The following SLC35D4 variants were observed in gnomAD, a reference collection of about 807,000 sequenced individuals.
SLC35D4 encodes solute carrier family 35 member D4, also known as UDP-N-acetylglucosamine transporter SLC35D4.
At chr18:23,252,487 C>T in the SLC35D4 span, among the ~76,000 whole-genome samples, 2 of 152,208 alleles carry the variant, frequency 1.3e-5, no homozygotes, top group African/African-American at 2.4e-5. Context: ...TCTCAGAAAG[C>T]TGCGTGAAGT....
the SLC35D4 span, among the ~76,000 whole-genome samples, chr18:23,246,299 T>C: frequency 6.6e-6 from 1 of 151,736 alleles, no homozygotes; most frequent in Admixed American, 6.6e-5. Context: ...TCACTCAGAC[T>C]GTCCCAGGCC....
the SLC35D4 span, among the ~76,000 whole-genome samples, chr18:23,255,301 A>G: frequency 8.2e-5 from 12 of 146,192 alleles, no homozygotes; most frequent in African/African-American, 2.6e-4. Context: ...AATAAAAGAC[A>G]TGGTTAAGTC....
chr18:23,396,230 G>A, the SLC35D4 span, among the ~76,000 whole-genome samples: 1 of 152,200 alleles, frequency 6.6e-6, no homozygotes, highest in African/African-American at 2.4e-5. Flanking sequence ...GGTCTTGTCA[G>A]ATAAAGGAGG....
At chr18:23,316,180 C>T in the SLC35D4 span, among the ~76,000 whole-genome samples, 3 of 152,222 alleles carry the variant, frequency 2.0e-5, no homozygotes, top group Non-Finnish European at 4.4e-5. Context: ...TGTACAAACA[C>T]GCTGCACTGC....
chr18:23,302,712 A>G, the SLC35D4 span, among the ~76,000 whole-genome samples: 2 of 152,206 alleles, frequency 1.3e-5, no homozygotes, highest in African/African-American at 4.8e-5. Context: ...GAATGCACGA[A>G]TATACAAATA....
the SLC35D4 span, among the ~76,000 whole-genome samples, chr18:23,295,337 C>T: frequency 0.77 from 116,159 of 151,524 alleles, 44,886 homozygotes; most frequent in Middle Eastern, 0.88. Flanking sequence ...GTAACAAACC[C>T]GCACATGTAC....
At chr18:23,401,695 C>A in the SLC35D4 span, among the ~76,000 whole-genome samples, 1 of 152,224 alleles carries the variant, frequency 6.6e-6, no homozygotes, top group East Asian at 1.9e-4. Context: ...GGCCTCACTG[C>A]GGGAGGCCCA....
the SLC35D4 span, among the ~76,000 whole-genome samples, chr18:23,284,819 G>T: frequency 2.0e-5 from 3 of 152,144 alleles, no homozygotes; most frequent in Non-Finnish European, 4.4e-5. Flanking sequence ...AACATGATTG[G>T]TCTTCTCCAC....
chr18:23,247,958 AG>A, the SLC35D4 span, among the ~76,000 whole-genome samples: 7 of 152,124 alleles, frequency 4.6e-5, no homozygotes, highest in African/African-American at 1.7e-4. Flanking sequence ...ACTCCCTGCC[AG>A]GGCCTAGCTT....
the SLC35D4 span, among the ~76,000 whole-genome samples, chr18:23,345,599 A>G: frequency 6.7e-6 from 1 of 150,270 alleles, no homozygotes; most frequent in African/African-American, 2.4e-5. Flanking sequence ...TGTCTTGATT[A>G]TTCTAGCTTA....
At chr18:23,388,755 C>T in the SLC35D4 span, among the ~76,000 whole-genome samples, 2 of 152,050 alleles carry the variant, frequency 1.3e-5, no homozygotes, top group Non-Finnish European at 1.5e-5. Flanking sequence ...GTGGATGTCC[C>T]CCTTGCTGTT....
At chr18:23,310,165 A>G in the SLC35D4 span, 2 of 970,710 alleles carry the variant, frequency 2.1e-6, no homozygotes, top group Non-Finnish European at 2.4e-6. Context: ...TCCTCCAGAT[A>G]AAAACTTATC....
chr18:23,405,218 C>T, the SLC35D4 span, among the ~76,000 whole-genome samples: 13 of 152,044 alleles, frequency 8.6e-5, no homozygotes, highest in Admixed American at 5.2e-4. Flanking sequence ...GATGGAGTCT[C>T]GCTCTGTCAC....
chr18:23,348,930 A>G, the SLC35D4 span, among the ~76,000 whole-genome samples: 19 of 152,328 alleles, frequency 1.2e-4, no homozygotes, highest in African/African-American at 3.8e-4. Context: ...TTTGAAGAAT[A>G]GTTTTGCATA....
At chr18:23,413,705 A>G in the SLC35D4 span, among the ~76,000 whole-genome samples, 1 of 151,826 alleles carries the variant, frequency 6.6e-6, no homozygotes, top group Non-Finnish European at 1.5e-5. Context: ...TGGGTAGATC[A>G]CCTGAGGTCA....
the SLC35D4 span, among the ~76,000 whole-genome samples, chr18:23,386,135 A>G: frequency 6.6e-6 from 1 of 151,512 alleles, no homozygotes; most frequent in African/African-American, 2.4e-5. Context: ...AAAAAAAAAA[A>G]AAAAAAAAAA....
the SLC35D4 span, among the ~76,000 whole-genome samples, chr18:23,400,528 A>G: frequency 6.6e-5 from 10 of 152,176 alleles, no homozygotes; most frequent in Admixed American, 1.3e-4. Flanking sequence ...TCAGGAGGCC[A>G]AGGGAGGAGA....
the SLC35D4 span, among the ~76,000 whole-genome samples, chr18:23,347,083 ACTT>A: frequency 5.3e-5 from 8 of 151,888 alleles, no homozygotes; most frequent in Non-Finnish European, 1.0e-4. Context: ...GTTTTAAAAC[ACTT>A]CTTCTTTAAA....
chr18:23,297,692 C>T, the SLC35D4 span: 1 of 321,350 alleles, frequency 3.1e-6, no homozygotes, highest in South Asian at 3.1e-5. Flanking sequence ...AAATCCTGTA[C>T]TTCCTGTTTC....
Sources: gnomAD v4.1 joint callset for allele counts (sites outside exome capture counted in the v4.1 genomes callset) on GRCh38, gnomAD v4.1.1 for gene constraint, MANE v1.5 for transcripts, NCBI Gene and HGNC (gene_info 2026-07-23, HGNC 2026-07-21) for gene names.